The following ALX1 variants were observed in gnomAD, a reference collection of about 807,000 sequenced individuals.
ALX1 encodes ALX homeobox protein 1.
A neutral mutation model predicts 31.7 loss-of-function variants in ALX1; 19 were observed. The ratio of observed to expected loss-of-function variants is 0.60; its 90% CI spans 0.42 to 0.88. ALX1 has a LOEUF of 0.88. ALX1 is among the 40% of genes least tolerant of loss of function. The pLI is 0.00. For missense variants in ALX1, 415 were observed against 407.8 expected (o/e 1.02, Z -0.15); for synonymous variants, 153 against 148.8 (o/e 1.03, Z -0.20).
At chr12:85,296,840 T>C (rs937518751) in intron 3 of ALX1, among the ~76,000 whole-genome samples, 1 of 151,666 alleles carries the variant, frequency 6.6e-6, no homozygotes, top group Non-Finnish European at 1.5e-5. Flanking sequence ...TAAAATTATA[T>C]GGTGCCAGGT....
In ALX1 at chr12:85,280,226, T is replaced by G. The variant is rs193089444; in HGVS notation, c.-36T>G. 6.7e-5 allele frequency: 104 copies of G among 1,562,710 alleles called. No homozygotes were observed. In the East Asian group the frequency reaches 2.4e-3, roughly 35 times the overall value. On this transcript the variant is annotated 5_prime_UTR_variant, in exon 1 of 4. Transcript: ENST00000316824. ...CCCTCCCCCAGCGCTCTCCAGTTTC[T>G]GTGCCCCAGGAGCTACGCGACAGTC...
chr12:85,289,744 A>G (rs1352245088), intron 3 of ALX1, among the ~76,000 whole-genome samples: 1 of 151,304 alleles, frequency 6.6e-6, no homozygotes, highest in Non-Finnish European at 1.5e-5. Flanking sequence ...TAGATACTGG[A>G]TAAAGCCGGG....
chr12:85,284,299 AATAGCCCATAC>A (rs890374788), intron 2 of ALX1, among the ~76,000 whole-genome samples: 14 of 150,674 alleles, frequency 9.3e-5, no homozygotes, highest in Non-Finnish European at 1.8e-4. Flanking sequence ...TTATTTGTAT[AATAGCCCATAC>A]ATCTAGAAAT....
chr12:85,299,559 A>T (rs1896935225), intron 3 of ALX1, among the ~76,000 whole-genome samples: 1 of 151,732 alleles, frequency 6.6e-6, no homozygotes, highest in Non-Finnish European at 1.5e-5. Context: ...TTATACATAT[A>T]TTTATATAAA....
At chr12:85,301,108 A>G in intron 3 of ALX1, 47 bp from the exon 4 acceptor site, 1 of 1,606,502 alleles carries the variant, frequency 6.2e-7, no homozygotes, top group Non-Finnish European at 8.5e-7. Context: ...TAAGAGAACA[A>G]AAGTGAGAAC....
chr12:85,286,294 A>G (rs749479731), intron 2 of ALX1, among the ~76,000 whole-genome samples: 1 of 151,856 alleles, frequency 6.6e-6, no homozygotes, highest in Non-Finnish European at 1.5e-5. Flanking sequence ...GATAATCATG[A>G]TGTTCCTGCT....
intron 3 of ALX1, among the ~76,000 whole-genome samples, chr12:85,296,742 A>T (rs1896893513): frequency 6.6e-6 from 1 of 151,728 alleles, no homozygotes. Flanking sequence ...TTTCTTTTTA[A>T]AAAACACACA....
In ALX1 at chr12:85,280,272, T is replaced by G; in HGVS notation, c.11T>G (p.Leu4Arg). Residue 4 changes from leucine to arginine, a missense_variant, in exon 1 of 4, where the codon CTG becomes CGG. Around this residue, in one of 3 missense-constraint regions of ALX1, gnomAD observed 235 missense variants for 208.9 expected, o/e 1.13. Coordinates refer to ENST00000316824, the MANE Select transcript of ALX1 (RefSeq NM_006982.3). MEF[L>R]SEKFALKSPP... ...CAGTCTTCCAGGATTATGGAGTTTC[T>G]GAGCGAGAAGTTTGCCCTCAAGAGC... 6.2e-7 allele frequency: 1 copy of G among 1,613,242 alleles called. No individual in the cohort carries two copies.
At position 85,280,413 on chromosome 12, in the gene ALX1, A is replaced by G. The variant is rs748172443; in HGVS notation, c.152A>G (p.Gln51Arg). ...YSKASAGKCV[Q>R]AFGPLPRAEH... ...AAAGCGTCTGCAGGCAAATGCGTGC[A>G]GGCCTTCGGACCCCTGCCCCGCGCC... is the stretch of plus-strand genomic sequence containing the variant. The change falls in exon 1 of 4, where the codon CAG becomes CGG. Residue 51 changes from glutamine (Q) to arginine (R), a missense_variant. Gln to Arg is a conservative substitution (Grantham distance 43, BLOSUM62 1). Transcript: ENST00000316824. 1 of 1,613,194 alleles carries G rather than the reference A, an allele frequency of 6.2e-7. No individual in the cohort carries two copies. Among genetic ancestry groups the G allele is most frequent in the South Asian group, 1.1e-5 (1 of 91,058 alleles).
intron 3 of ALX1, among the ~76,000 whole-genome samples, chr12:85,299,338 C>G (rs1896931805): frequency 6.6e-6 from 1 of 151,386 alleles, no homozygotes; most frequent in Admixed American, 6.6e-5. Context: ...CATAACTCAG[C>G]AATCACTGAT....
At chr12:85,294,410 G>C (rs1053321904) in intron 3 of ALX1, among the ~76,000 whole-genome samples, 2 of 150,964 alleles carry the variant, frequency 1.3e-5, no homozygotes, top group Non-Finnish European at 3.0e-5. Context: ...CAAAGGTTAG[G>C]TGTTACCATT....
chr12:85,283,520 G>A, intron 1 of ALX1, 52 bp from the exon 2 acceptor site: 1 of 1,574,328 alleles, frequency 6.4e-7, no homozygotes, highest in African/African-American at 1.3e-5. Context: ...TGATTTAATT[G>A]AGATGAGTTT....
chr12:85,295,730 C>T (rs371636401), intron 3 of ALX1, among the ~76,000 whole-genome samples: 13 of 151,298 alleles, frequency 8.6e-5, no homozygotes, highest in East Asian at 1.9e-4. Context: ...TGTGTGCAGA[C>T]GTATGGGTAT....
chr12:85,298,796 A>T (rs1015089669), intron 3 of ALX1, among the ~76,000 whole-genome samples: 4 of 151,812 alleles, frequency 2.6e-5, no homozygotes, highest in Non-Finnish European at 5.9e-5. Context: ...TTTCATCAAA[A>T]GTAATGCATA....
rs536121631 is a variant in ALX1 at position 85,295,725 on chromosome 12, G to C, written c.661-5430G>C. ...GTGAGTGTGCACATGGAGTGTGTGT[G>C]CAGACGTATGGGTATGTATGTGTGT... is the stretch of plus-strand genomic sequence containing the variant. On this transcript the variant is annotated intron_variant, in intron 3 of 3. Coordinates refer to ENST00000316824, the MANE Select transcript of ALX1 (RefSeq NM_006982.3). Among the ~76,000 whole-genome samples, 3 of 151,680 alleles carry C rather than the reference G, an allele frequency of 2.0e-5. No homozygotes were observed. The South Asian group carries it at 6.2e-4, about 31-fold the overall frequency.
chr12:85,293,626 ATAAG>A (rs1896848020), intron 3 of ALX1, among the ~76,000 whole-genome samples: 1 of 150,924 alleles, frequency 6.6e-6, no homozygotes, highest in African/African-American at 2.4e-5. Context: ...ATTTTTTTAA[ATAAG>A]TATTTTTTAT....
chr12:85,295,372 G>A (rs988792197), intron 3 of ALX1, among the ~76,000 whole-genome samples: 4 of 151,428 alleles, frequency 2.6e-5, no homozygotes, highest in African/African-American at 9.7e-5. Context: ...GAATATACTA[G>A]TGAATTTCAT....
At chr12:85,290,023 C>T (rs576700861) in intron 3 of ALX1, among the ~76,000 whole-genome samples, 1 of 150,736 alleles carries the variant, frequency 6.6e-6, no homozygotes, top group African/African-American at 2.4e-5. Flanking sequence ...ATGTTAGAGG[C>T]AGGACAGAAA....
intron 3 of ALX1, among the ~76,000 whole-genome samples, chr12:85,295,768 A>T (rs1896879362): frequency 6.6e-6 from 1 of 151,506 alleles, no homozygotes; most frequent in African/African-American, 2.4e-5. Context: ...AGTAAATATG[A>T]TCGATGTTGG....
Sources: gnomAD v4.1 joint callset for allele counts (sites outside exome capture counted in the v4.1 genomes callset) on GRCh38, gnomAD v4.1.1 for gene constraint, gnomAD v4.1.1 regional missense constraint, MANE v1.5 for transcripts, NCBI Gene and HGNC (gene_info 2026-07-23, HGNC 2026-07-21) for gene names.